Variants in PCP4L1 observed in about 807,000 individuals in gnomAD.
PCP4L1 encodes the protein Purkinje cell protein 4 like 1, also known as Purkinje cell protein 4-like protein 1.
Under a neutral mutation model 9.6 loss-of-function variants are expected in PCP4L1, and 9 were observed. That is an observed-to-expected ratio of 0.94 (90% CI 0.57 to 1.64). PCP4L1 has a LOEUF of 1.64. Among genes scored for constraint, PCP4L1 ranks in the 40% most tolerant of loss-of-function variants. The pLI is 0.00. For missense variants in PCP4L1, 81 were observed against 80.8 expected, an observed-to-expected ratio of 1.00 and a Z score of -0.01; for synonymous variants, 31 against 28.2, an observed-to-expected ratio of 1.10 and a Z score of -0.31.
chr1:161,263,237 GTTTTTGTTTTTT>G (rs59664221), intron 1 of PCP4L1, among the ~76,000 whole-genome samples: 12,963 of 151,864 alleles, frequency 0.085, 772 homozygotes, highest in East Asian at 0.26. Context: ...TTTTGTTTTT[GTTTTTGTTTTTT>G]TTTGGGTTGG....
rs879408393 is a variant in PCP4L1, at chr1:161,272,163, T to C, written c.10-11505T>C. Among the ~76,000 whole-genome samples, 9 of 148,416 alleles carry C rather than the reference T, an allele frequency of 6.1e-5. 1 individual carries two copies. The highest frequency in any genetic ancestry group is 1.2e-4 in the African/African-American group (5 of 40,100). On this transcript the variant is annotated intron_variant, in intron 1 of 2. Transcript: ENST00000504449. ...GTGATATTTTGATACATATAACTTA[T>C]AGTGATCAGATTGGGGTAATCCCTT...
rs142698568 is a variant in PCP4L1 at position 161,269,260 on chromosome 1, G to C, written c.9+10277G>C. Among the ~76,000 whole-genome samples, 36 of 152,200 alleles carry C rather than the reference G, an allele frequency of 2.4e-4. No individual in the cohort carries two copies. The East Asian group carries it at 2.9e-3, about 12-fold the overall frequency. On this transcript the variant is annotated intron_variant, in intron 1 of 2. Coordinates refer to ENST00000504449, the MANE Select transcript of PCP4L1 (RefSeq NM_001102566.2). ...TATCAGGGTGCTGAGGGTGGGGAAG[G>C]GGGGGTAAGACATTACCTGTACCTG... is the stretch of plus-strand genomic sequence containing the variant.
intron 1 of PCP4L1, among the ~76,000 whole-genome samples, chr1:161,266,590 G>T (rs1466610645): frequency 6.6e-6 from 1 of 152,182 alleles, no homozygotes; most frequent in Admixed American, 6.5e-5. Flanking sequence ...AACAGGGATG[G>T]GGTGGCTAAG....
chr1:161,259,961 A>G (rs1017776421), intron 1 of PCP4L1, among the ~76,000 whole-genome samples: 1 of 152,204 alleles, frequency 6.6e-6, no homozygotes, highest in Non-Finnish European at 1.5e-5. Flanking sequence ...TTGTCTGTAA[A>G]ATGGGGATAA....
chr1:161,260,059 T>C (rs778875864), intron 1 of PCP4L1, among the ~76,000 whole-genome samples: 31 of 152,232 alleles, frequency 2.0e-4, no homozygotes, highest in Non-Finnish European at 4.4e-5. Context: ...GCTATTATCT[T>C]TCTGTTTCTT....
intron 1 of PCP4L1, among the ~76,000 whole-genome samples, chr1:161,282,279 C>T (rs543366555): frequency 3.9e-5 from 6 of 152,090 alleles, no homozygotes; most frequent in African/African-American, 1.4e-4. Flanking sequence ...AGCAGGCACT[C>T]GGCAGGCTGA....
chr1:161,266,735 C>T (rs1384311408), intron 1 of PCP4L1, among the ~76,000 whole-genome samples: 6 of 152,090 alleles, frequency 3.9e-5, no homozygotes, highest in Admixed American at 3.9e-4. Flanking sequence ...GTAGAACCTG[C>T]AGTAAGGATT....
chr1:161,275,793 AC>A (rs1310296281), intron 1 of PCP4L1, among the ~76,000 whole-genome samples: 1 of 146,742 alleles, frequency 6.8e-6, no homozygotes, highest in African/African-American at 2.5e-5. Flanking sequence ...TCTAGGTCAT[AC>A]TTTTTTTTTT....
rs1261807351 is a variant in PCP4L1, at chr1:161,258,818, A to C, written c.-157A>C. On this transcript the variant is annotated 5_prime_UTR_variant, in exon 1 of 3. Coordinates refer to ENST00000504449, the MANE Select transcript of PCP4L1 (RefSeq NM_001102566.2). ...GGCTCCGAGAATCCCGGGTGCCAGC[A>C]CCAGAGCAGCGGCTCTCCGCACTAA... 1 of 1,174,674 alleles carries C rather than the reference A, an allele frequency of 8.5e-7. No individual in the cohort carries two copies. Among genetic ancestry groups the C allele is most frequent in the African/African-American group, 1.5e-5 (1 of 64,580 alleles). 72.8% of individuals were successfully genotyped at this position (1,174,674 alleles called of 1,614,324 possible).
In PCP4L1 at chr1:161,279,147, T is replaced by C. The variant is rs12354356; in HGVS notation, c.10-4521T>C. Among the ~76,000 whole-genome samples the C allele has an allele frequency of 6.8e-3, 1,033 of 152,320 alleles. 9 individuals are homozygous for C. Among genetic ancestry groups the C allele is most frequent in the Middle Eastern group, 0.031 (9 of 294 alleles). ...CAAACCTGCTTCAGGGACTTTCTAGTTGATATTTCATCTGCCCAGAGGATC... is the reference window on the plus strand; with the variant it reads ...CAAACCTGCTTCAGGGACTTTCTAGCTGATATTTCATCTGCCCAGAGGATC... On this transcript the variant is annotated intron_variant, in intron 1 of 2. Transcript: ENST00000504449.
intron 1 of PCP4L1, among the ~76,000 whole-genome samples, chr1:161,283,361 C>T (rs1669855080): frequency 6.6e-6 from 1 of 152,176 alleles, no homozygotes; most frequent in Non-Finnish European, 1.5e-5. Flanking sequence ...TTCTCCATAG[C>T]ACTTATCATC....
chr1:161,261,371 T>G (rs112011088), intron 1 of PCP4L1, among the ~76,000 whole-genome samples: 17 of 152,332 alleles, frequency 1.1e-4, no homozygotes, highest in African/African-American at 3.8e-4. Flanking sequence ...TGTGGCTCTT[T>G]GCTGTCACTC....
At position 161,258,773 on chromosome 1, in the gene PCP4L1, G is replaced by A; in HGVS notation, c.-202G>A. The A allele has an allele frequency of 1.3e-6, 1 of 788,612 alleles. No individual in the cohort carries two copies. The allele number at this position is 788,612 out of a possible 1,614,324, so 48.9% of individuals were successfully genotyped here. A position where few individuals can be genotyped will look rare whatever the true frequency, so the allele number is the denominator to read the frequency against. ...CGGCTCTGACAGGACGGGTCGCAGG[G>A]GGTCGCCTGGCCGGAGCTGGGCTCC... is the stretch of plus-strand genomic sequence containing the variant. On this transcript the variant is annotated 5_prime_UTR_variant, in exon 1 of 3. Coordinates refer to ENST00000504449, the MANE Select transcript of PCP4L1 (RefSeq NM_001102566.2).
chr1:161,278,493 TC>T (rs1669739819), intron 1 of PCP4L1, among the ~76,000 whole-genome samples: 1 of 151,984 alleles, frequency 6.6e-6, no homozygotes. Flanking sequence ...GGTCATGAAC[TC>T]CTGGGCTCAA....
intron 1 of PCP4L1, among the ~76,000 whole-genome samples, chr1:161,272,456 G>C (rs1669639102): frequency 6.6e-6 from 1 of 151,502 alleles, no homozygotes. Context: ...TACGCGGGAG[G>C]CTGAGGCAGG....
At chr1:161,276,558 G>A (rs1322119740) in intron 1 of PCP4L1, among the ~76,000 whole-genome samples, 1 of 151,950 alleles carries the variant, frequency 6.6e-6, no homozygotes, top group Non-Finnish European at 1.5e-5. Flanking sequence ...TGGTGTGCCT[G>A]TAGTCCCAGC....
At chr1:161,272,010 T>G (rs1365989032) in intron 1 of PCP4L1, among the ~76,000 whole-genome samples, 1 of 150,216 alleles carries the variant, frequency 6.7e-6, no homozygotes, top group Non-Finnish European at 1.5e-5. Context: ...AAGTCTATGT[T>G]GCCCAGGCTG....
At chr1:161,275,772 T>C (rs1452752877) in intron 1 of PCP4L1, among the ~76,000 whole-genome samples, 1 of 151,506 alleles carries the variant, frequency 6.6e-6, no homozygotes, top group Non-Finnish European at 1.5e-5. Flanking sequence ...TCCTATTAAC[T>C]GCATACTCCA....
intron 1 of PCP4L1, among the ~76,000 whole-genome samples, chr1:161,276,247 G>C (rs1669696575): frequency 6.6e-6 from 1 of 152,162 alleles, no homozygotes; most frequent in Non-Finnish European, 1.5e-5. Context: ...GGGAGAGAAA[G>C]AGTAACAACT....
Sources: gnomAD v4.1 joint callset for allele counts (sites outside exome capture counted in the v4.1 genomes callset) on GRCh38, gnomAD v4.1.1 for gene constraint, MANE v1.5 for transcripts, NCBI Gene and HGNC (gene_info 2026-07-23, HGNC 2026-07-21) for gene names.